Variants in FGF12 observed in about 807,000 individuals in gnomAD.
The protein encoded by FGF12 is fibroblast growth factor 12, also known as fibroblast growth factor 12B.
FGF12 carries 14 observed loss-of-function variants against 23.6 expected under a neutral mutation model. The ratio of observed to expected loss-of-function variants is 0.59; its 90% CI spans 0.39 to 0.93. The LOEUF (loss-of-function observed/expected upper bound fraction) is 0.93, where lower values mean the gene tolerates loss of function less well. FGF12 is among the 40% of genes least tolerant of loss of function. The pLI is 0.00. For synonymous variants in FGF12, 62 were observed against 77.3 expected, an observed-to-expected ratio of 0.80 and a Z score of 1.04; for missense variants, 175 against 217.8, an observed-to-expected ratio of 0.80 and a Z score of 1.24.
At chr3:192,400,708 C>G (rs1482061508) in intron 2 of FGF12, among the ~76,000 whole-genome samples, 1 of 152,132 alleles carries the variant, frequency 6.6e-6, no homozygotes, top group Non-Finnish European at 1.5e-5. Flanking sequence ...TGGGTAATTA[C>G]ATTATTTGAC....
intron 2 of FGF12, among the ~76,000 whole-genome samples, chr3:192,486,034 G>T (rs1165156619): frequency 6.6e-6 from 1 of 152,072 alleles, no homozygotes; most frequent in Non-Finnish European, 1.5e-5. Flanking sequence ...CATTAATACG[G>T]TTTTTCATTA....
At chr3:192,677,397 C>T (rs1029185038) in intron 2 of FGF12, among the ~76,000 whole-genome samples, 1 of 152,216 alleles carries the variant, frequency 6.6e-6, no homozygotes, top group African/African-American at 2.4e-5. Flanking sequence ...GTCAGGCAAA[C>T]TTGAGGACAT....
At chr3:192,458,125 G>A (rs759269643) in intron 2 of FGF12, among the ~76,000 whole-genome samples, 27 of 152,214 alleles carry the variant, frequency 1.8e-4, no homozygotes, top group Non-Finnish European at 3.4e-4. Flanking sequence ...GTATGGAAAC[G>A]CCTGGATGCC....
chr3:192,344,102 T>C (rs79868291), intron 3 of FGF12, among the ~76,000 whole-genome samples: 5,514 of 152,284 alleles, frequency 0.036, 340 homozygotes, highest in African/African-American at 0.13. Flanking sequence ...AATGGAACAC[T>C]AGGCATAAAT....
At chr3:192,167,768 TAAAA>T (rs1170975644) in intron 5 of FGF12, among the ~76,000 whole-genome samples, 373 of 25,654 alleles carry the variant, frequency 0.015, 33 homozygotes, top group South Asian at 0.043. Flanking sequence ...TATATATATA[TAAAA>T]TTTTTTTTTT....
At chr3:192,531,807 G>A (rs190578402) in intron 2 of FGF12, among the ~76,000 whole-genome samples, 2 of 152,294 alleles carry the variant, frequency 1.3e-5, no homozygotes, top group East Asian at 3.9e-4. Flanking sequence ...AGGAATATAA[G>A]TAGCTTTTGC....
At chr3:192,362,155 T>G (rs745776227) in intron 2 of FGF12, among the ~76,000 whole-genome samples, 1 of 152,122 alleles carries the variant, frequency 6.6e-6, no homozygotes, top group Non-Finnish European at 1.5e-5. Context: ...TCAATGCATT[T>G]CCTCCATAGG....
chr3:192,514,929 G>A lies in FGF12; in HGVS notation c.14-154391C>T. 1 of 956,658 alleles carries A rather than the reference G, an allele frequency of 1.0e-6. No individual in the cohort carries two copies. Among genetic ancestry groups the A allele is most frequent in the Non-Finnish European group, 1.2e-6 (1 of 803,742 alleles). The allele number at this position is 956,658 out of a possible 1,614,324, so 59.3% of individuals were successfully genotyped here. On this transcript the variant is annotated intron_variant, in intron 2 of 5. Transcript: ENST00000445105. The surrounding 1 kb of genome is among the most constrained non-coding windows in gnomAD (Gnocchi z 4.9). ...CCCGGGCGCCGGCAGGGGGCGGGCC[G>A]GGACGCGGAAGTGCCGGTCCGCCGG...
rs530671254 is a variant in FGF12, at chr3:192,558,507, CA to C, written c.13+168673del. On this transcript the variant is annotated intron_variant, in intron 2 of 5. Coordinates refer to ENST00000445105, the MANE Select transcript of FGF12 (RefSeq NM_004113.6). ...ATATTGCTAAAATGTCGAGACCACC[CA>C]AAGTGACCGAAAGATTTAATGTAAT... Among the ~76,000 whole-genome samples, 11 of 151,798 alleles carry C rather than the reference CA, an allele frequency of 7.2e-5. No homozygotes were observed. In the South Asian group the frequency reaches 2.3e-3, roughly 32 times the overall value.
chr3:192,419,507 T>C (rs1721456215), intron 2 of FGF12, among the ~76,000 whole-genome samples: 2 of 152,100 alleles, frequency 1.3e-5, no homozygotes, highest in African/African-American at 4.8e-5. Context: ...AATGAGGAAG[T>C]GGTTTTCCCA....
intron 4 of FGF12, among the ~76,000 whole-genome samples, chr3:192,295,115 T>C (rs1714960086): frequency 1.3e-5 from 2 of 152,198 alleles, no homozygotes; most frequent in South Asian, 4.1e-4. Context: ...CTCATTCTCT[T>C]GCTAGCATTC....
intron 4 of FGF12, among the ~76,000 whole-genome samples, chr3:192,217,276 G>A (rs1718239229): frequency 6.6e-6 from 1 of 152,138 alleles, no homozygotes; most frequent in African/African-American, 2.4e-5. Context: ...CACCTTAAGC[G>A]CTATATGAGC....
At chr3:192,171,974 G>A (rs533603974) in intron 4 of FGF12, among the ~76,000 whole-genome samples, 2 of 151,106 alleles carry the variant, frequency 1.3e-5, no homozygotes, top group South Asian at 2.1e-4. Context: ...TCAAACTCCC[G>A]GGCCCAGAAG....
At chr3:192,642,843 C>T (rs1464131425) in intron 2 of FGF12, among the ~76,000 whole-genome samples, 7 of 152,228 alleles carry the variant, frequency 4.6e-5, no homozygotes, top group South Asian at 2.1e-4. Context: ...TGCTCTTTGA[C>T]GCCGTGCCAG....
chr3:192,663,973 C>T (rs1716763034), intron 2 of FGF12, among the ~76,000 whole-genome samples: 1 of 152,116 alleles, frequency 6.6e-6, no homozygotes, highest in Non-Finnish European at 1.5e-5. Context: ...AGATAAGAAG[C>T]CCCTGAAGGA....
At chr3:192,582,954 G>A (rs558437466) in intron 2 of FGF12, among the ~76,000 whole-genome samples, 36 of 152,072 alleles carry the variant, frequency 2.4e-4, no homozygotes, top group African/African-American at 8.4e-4. Context: ...TGCTCATTTT[G>A]TTCCTCCTTC....
chr3:192,344,255 CATT>C (rs1299417352), intron 3 of FGF12, among the ~76,000 whole-genome samples: 1 of 152,010 alleles, frequency 6.6e-6, no homozygotes, highest in Admixed American at 6.6e-5. Context: ...TTTTTGTTCT[CATT>C]GTTGTTTTCA....
chr3:192,315,956 G>T (rs183111045), intron 4 of FGF12, among the ~76,000 whole-genome samples: 80 of 152,254 alleles, frequency 5.3e-4, no homozygotes, highest in African/African-American at 1.9e-3. Flanking sequence ...AACCCAAACC[G>T]ATTTATGTAA....
At chr3:192,283,321 C>T (rs1472378304) in intron 4 of FGF12, among the ~76,000 whole-genome samples, 5 of 151,970 alleles carry the variant, frequency 3.3e-5, no homozygotes, top group African/African-American at 1.2e-4. Flanking sequence ...CTGGGTAGGA[C>T]ATTGTGATTC....
Sources: allele counts gnomAD v4.1 joint callset (sites outside exome capture counted in the v4.1 genomes callset), GRCh38; gene constraint gnomAD v4.1.1; non-coding constraint Gnocchi (gnomAD v3.1); transcripts MANE v1.5; gene names NCBI Gene and HGNC (gene_info 2026-07-23, HGNC 2026-07-21).